Variants in DCP1A observed in about 807,000 individuals in gnomAD.
The protein encoded by DCP1A is mRNA-decapping enzyme 1A.
A neutral mutation model predicts 58.0 loss-of-function variants in DCP1A; 20 were observed. The ratio of observed to expected loss-of-function variants is 0.34; its 90% confidence interval spans 0.24 to 0.50. DCP1A has a LOEUF of 0.50. DCP1A is among the 20% of genes least tolerant of loss of function. The pLI is 0.98. For synonymous variants in DCP1A, 285 were observed against 275.1 expected (o/e 1.04, Z -0.36); for missense variants, 613 against 712.2 (o/e 0.86, Z 1.59).
chr3:53,328,187 G>C (rs1553690865), intron 3 of DCP1A, among the ~76,000 whole-genome samples: 2 of 152,012 alleles, frequency 1.3e-5, no homozygotes, highest in African/African-American at 4.8e-5. Context: ...CTTTGTAAGT[G>C]ACTCAGACCT....
At chr3:53,301,387 T>C (rs1224964385) in intron 6 of DCP1A, among the ~76,000 whole-genome samples, 1 of 151,990 alleles carries the variant, frequency 6.6e-6, no homozygotes, top group Non-Finnish European at 1.5e-5. Flanking sequence ...TTCTCGTGCC[T>C]CAGCCTCCCG....
chr3:53,342,297 AT>A lies in DCP1A; in HGVS notation c.177-27del, dbSNP rs782520568. On this transcript the variant is annotated intron_variant, in intron 2 of 9. Coordinates refer to ENST00000610213, the MANE Select transcript of DCP1A (RefSeq NM_018403.7). ...CTTAGATTTAATAGAAGAAAAAAAA[AT>A]ATGTAGTTACCATTTAATCTGTAGA... The A allele has an allele frequency of 3.2e-5, 48 of 1,514,138 alleles. No individual in the cohort carries two copies. The Admixed American group carries it at 5.7e-4, about 18-fold the overall frequency. 93.8% of individuals were successfully genotyped at this position (1,514,138 alleles called of 1,614,324 possible). A position where few individuals can be genotyped will look rare whatever the true frequency, so the allele number is the denominator to read the frequency against.
rs1166075975 is a variant in DCP1A, at chr3:53,285,036, GCACCACC to G, written c.*2537_*2543del. ...ATTAACTACAACAAAAAGAAGAGCA[GCACCACC>G]CACCAGTGGTGCCCCAGACACACCT... On this transcript the variant is annotated 3_prime_UTR_variant, in exon 10 of 10. Transcript: ENST00000610213. 6.6e-6 allele frequency: 1 copy of G among 152,146 alleles called. No individual in the cohort carries two copies. The highest frequency in any genetic ancestry group is 2.4e-5 in the African/African-American group (1 of 41,406). The allele number at this position is 152,146 out of a possible 1,614,324, so 9.4% of individuals were successfully genotyped here. A position where few individuals can be genotyped will look rare whatever the true frequency, so the allele number is the denominator to read the frequency against.
rs377161948 is a variant in DCP1A at position 53,311,953 on chromosome 3, T to A, written c.510+288A>T. 6.7e-3 allele frequency among the ~76,000 whole-genome samples: 984 copies of A among 146,216 alleles called. 9 individuals are homozygous for A. The highest frequency in any genetic ancestry group is 0.023 in the African/African-American group (914 of 39,630). On this transcript the variant is annotated intron_variant, in intron 5 of 9. Coordinates refer to ENST00000610213, the MANE Select transcript of DCP1A (RefSeq NM_018403.7). ...TTAAAATTGTAAGACACATCTGTTT[T>A]AAAAAAAAAAAAAGAGAGACACAGG... is the stretch of plus-strand genomic sequence containing the variant.
At chr3:53,306,790 A>G (rs1459296106) in intron 5 of DCP1A, among the ~76,000 whole-genome samples, 2 of 150,688 alleles carry the variant, frequency 1.3e-5, no homozygotes. Context: ...AAAAAAAAAA[A>G]AGCCAGCCTG....
intron 4 of DCP1A, among the ~76,000 whole-genome samples, chr3:53,316,643 A>G (rs776985121): frequency 4.7e-5 from 6 of 127,154 alleles, no homozygotes; most frequent in East Asian, 2.2e-4. Flanking sequence ...GAGTCTTGCT[A>G]TATCAGGCCA....
chr3:53,325,134 T>C (rs1285266566), intron 3 of DCP1A, among the ~76,000 whole-genome samples: 3 of 152,216 alleles, frequency 2.0e-5, no homozygotes, highest in African/African-American at 4.8e-5. Context: ...TTTAAAGATA[T>C]AGCAACCTAT....
In DCP1A at chr3:53,339,778, G is replaced by A. The variant is rs374140689; in HGVS notation, c.304+2366C>T. On this transcript the variant is annotated intron_variant, in intron 3 of 9. Coordinates refer to ENST00000610213, the MANE Select transcript of DCP1A (RefSeq NM_018403.7). ...TTTATGCTAAATGGTAACTGGGTCC[G>A]GATAACTTTCCCTACTGACTACTTT... Among the ~76,000 whole-genome samples, 25 of 152,072 alleles carry A rather than the reference G, an allele frequency of 1.6e-4. 1 individual carries two copies. In the East Asian group the frequency reaches 2.1e-3, roughly 13 times the overall value.
intron 5 of DCP1A, among the ~76,000 whole-genome samples, chr3:53,308,697 G>A (rs186401695): frequency 2.1e-4 from 32 of 152,136 alleles, no homozygotes; most frequent in Non-Finnish European, 5.9e-5. Flanking sequence ...GGGCTCAAGT[G>A]CTCCTCCCGC....
chr3:53,340,309 C>G (rs556926007), intron 3 of DCP1A, among the ~76,000 whole-genome samples: 1 of 152,238 alleles, frequency 6.6e-6, no homozygotes, highest in Admixed American at 6.5e-5. Flanking sequence ...TTAAATAAAT[C>G]CATCTGAACT....
intron 5 of DCP1A, among the ~76,000 whole-genome samples, chr3:53,304,914 G>A (rs1474638258): frequency 6.6e-6 from 1 of 151,892 alleles, no homozygotes; most frequent in Non-Finnish European, 1.5e-5. Context: ...GCTAACATAT[G>A]GTGAAATGAA....
intron 4 of DCP1A, among the ~76,000 whole-genome samples, chr3:53,317,511 A>G (rs1553689385): frequency 6.6e-6 from 1 of 152,124 alleles, no homozygotes; most frequent in Non-Finnish European, 1.5e-5. Flanking sequence ...CTTTGCTGTC[A>G]CTTTCAAAGC....
chr3:53,288,076 G>C lies in DCP1A; in HGVS notation c.1657C>G (p.His553Asp). The C allele has an allele frequency of 6.2e-7, 1 of 1,612,970 alleles. No homozygotes were observed. Among genetic ancestry groups the C allele is most frequent in the Non-Finnish European group, 8.5e-7 (1 of 1,178,936 alleles). Residue 553 changes from histidine to aspartate, a missense_variant, in exon 9 of 10, where the codon CAT becomes GAT. Physicochemically the swap from His to Asp is moderately conservative, Grantham distance 81 (BLOSUM62 -1). Coordinates refer to ENST00000610213, the MANE Select transcript of DCP1A (RefSeq NM_018403.7). ...GGTATCCTACATACCTTTATTAGAT[G>C]TATTAATGTATCCTGGAGCTGAGAC... ...SKSQLQDTLIHLIKNDSSFLS... is the reference protein window; with the variant it reads ...SKSQLQDTLIDLIKNDSSFLS...
At chr3:53,325,558 A>G (rs1208273825) in intron 3 of DCP1A, among the ~76,000 whole-genome samples, 1 of 152,254 alleles carries the variant, frequency 6.6e-6, no homozygotes, top group African/African-American at 2.4e-5. Flanking sequence ...TTACACCAGG[A>G]AACAAAAACA....
rs782744342 is a variant in DCP1A, at chr3:53,347,451, T to C, written c.67A>G (p.Ile23Val). The change falls in exon 1 of 10, where the codon ATC becomes GTC. Residue 23 changes from isoleucine (I) to valine (V), a missense_variant. Ile to Val is a conservative substitution (Grantham distance 29). Around this residue, in one of 3 missense-constraint regions of DCP1A, gnomAD observed 50 missense variants for 37.0 expected, o/e 1.35. Transcript: ENST00000610213. ...CCCGTGAGGTCTGCGATGCTGGTGA[T>C]ATAGGGGTCGTGTTGCTTCAGGGCC... is the stretch of plus-strand genomic sequence containing the variant. ...LAALKQHDPY[I>V]TSIADLTGQV... The C allele has an allele frequency of 4.3e-6, 7 of 1,613,490 alleles. No homozygotes were observed. The highest frequency in any genetic ancestry group is 1.7e-5 in the Admixed American group (1 of 59,982).
intron 2 of DCP1A, 126 bp from the exon 3 acceptor site, chr3:53,342,397 C>T (rs1039191828): frequency 2.7e-6 from 2 of 737,170 alleles, no homozygotes; most frequent in Non-Finnish European, 4.2e-6. Flanking sequence ...ATTATCAGCA[C>T]TTACATCTGT....
chr3:53,330,218 C>A (rs2088961820), intron 3 of DCP1A, among the ~76,000 whole-genome samples: 1 of 152,098 alleles, frequency 6.6e-6, no homozygotes, highest in African/African-American at 2.4e-5. Flanking sequence ...TTTGGGCTTA[C>A]TGTAGTAGCA....
intron 6 of DCP1A, among the ~76,000 whole-genome samples, chr3:53,302,159 T>C (rs1387744010): frequency 6.6e-6 from 1 of 152,168 alleles, no homozygotes; most frequent in African/African-American, 2.4e-5. Context: ...CATGTGTGGA[T>C]TGTGTTAATA....
At chr3:53,291,422 T>C (rs1379812180) in intron 7 of DCP1A, among the ~76,000 whole-genome samples, 2 of 151,510 alleles carry the variant, frequency 1.3e-5, no homozygotes, top group Non-Finnish European at 2.9e-5. Flanking sequence ...ACAGGTCTTA[T>C]TCATTCTATT....
Sources: allele counts gnomAD v4.1 joint callset (sites outside exome capture counted in the v4.1 genomes callset), GRCh38; gene constraint gnomAD v4.1.1; regional missense constraint gnomAD v4.1.1; transcripts MANE v1.5; gene names NCBI Gene and HGNC (gene_info 2026-07-23, HGNC 2026-07-21).